HHAT: variants seen among roughly 807,000 people sequenced by gnomAD.
HHAT encodes the protein hedgehog acyltransferase, also known as protein-cysteine N-palmitoyltransferase HHAT.
Under a neutral mutation model 70.8 loss-of-function variants are expected in HHAT, and 47 were observed. The observed-to-expected ratio is 0.66, with a 90% CI of 0.53 to 0.85. HHAT has a LOEUF of 0.85. Among genes scored for constraint, HHAT ranks in the 40% least tolerant of loss-of-function variants. The pLI is 0.00. For missense variants in HHAT, 609 were observed against 604.8 expected, an observed-to-expected ratio of 1.01 and a Z score of -0.07; for synonymous variants, 228 against 247.6, an observed-to-expected ratio of 0.92 and a Z score of 0.74.
At chr1:210,597,797 A>G (rs1045051569) in intron 10 of HHAT, among the ~76,000 whole-genome samples, 2 of 152,010 alleles carry the variant, frequency 1.3e-5, no homozygotes, top group African/African-American at 4.8e-5. Flanking sequence ...GGGGACCCCA[A>G]TAGCCTACTC....
chr1:210,552,361 T>C (rs1347692686), intron 9 of HHAT, among the ~76,000 whole-genome samples: 1 of 152,212 alleles, frequency 6.6e-6, no homozygotes, highest in East Asian at 1.9e-4. Flanking sequence ...ATTTGTGTCC[T>C]TCTGAGATGC....
chr1:210,539,778 C>G (rs1162438114), intron 9 of HHAT, among the ~76,000 whole-genome samples: 1 of 151,998 alleles, frequency 6.6e-6, no homozygotes, highest in Non-Finnish European at 1.5e-5. Flanking sequence ...TGTTTCAGTG[C>G]CTTTTTTGTG....
chr1:210,627,204 G>A (rs532211016), intron 11 of HHAT, among the ~76,000 whole-genome samples: 2 of 152,138 alleles, frequency 1.3e-5, no homozygotes, highest in Admixed American at 6.5e-5. Flanking sequence ...AGGGGCAGAC[G>A]GGTATCTAGG....
chr1:210,549,128 A>AAAACTTTATCATCACAAGGAACT lies in HHAT; in HGVS notation c.1043+35941_1043+35942insAACTTTATCATCACAAGGAACTA, dbSNP rs1428404015. On this transcript the variant is annotated intron_variant, in intron 9 of 11. Coordinates refer to ENST00000261458, the MANE Select transcript of HHAT (RefSeq NM_018194.6). ...TGCTCACCTGTAAAATTGGGATAATAACGGCATTTACCTTGTAGGGTTGTT... is the reference window on the plus strand; with the variant it reads ...TGCTCACCTGTAAAATTGGGATAATAAAACTTTATCATCACAAGGAACTACGGCATTTACCTTGTAGGGTTGTT... Among the ~76,000 whole-genome samples, 13 of 132,380 alleles carry AAAACTTTATCATCACAAGGAACT rather than the reference A, an allele frequency of 9.8e-5. 1 individual carries two copies. In the East Asian group the frequency reaches 1.2e-3, roughly 12 times the overall value. The allele number at this position is 132,380 out of a possible 152,430, so 86.8% of individuals were successfully genotyped here. A position where few individuals can be genotyped will look rare whatever the true frequency, so the allele number is the denominator to read the frequency against.
At chr1:210,370,610 A>ATTTTTTTTT (rs10664778) in intron 3 of HHAT, among the ~76,000 whole-genome samples, 2 of 98,354 alleles carry the variant, frequency 2.0e-5, no homozygotes, top group Admixed American at 1.4e-4. Context: ...TGCAGATGCT[A>ATTTTTTTTT]TTTTTTTTTT....
chr1:210,575,175 A>G (rs181505945), intron 9 of HHAT, among the ~76,000 whole-genome samples: 57 of 152,268 alleles, frequency 3.7e-4, no homozygotes, highest in African/African-American at 1.3e-3. Flanking sequence ...GGGAGAAATC[A>G]TGCATCCCTT....
intron 3 of HHAT, among the ~76,000 whole-genome samples, chr1:210,370,135 C>T (rs2089416755): frequency 6.7e-6 from 1 of 150,340 alleles, no homozygotes; most frequent in Non-Finnish European, 1.5e-5. Context: ...TCTACCTTCA[C>T]CTTATTTTCT....
intron 1 of HHAT, among the ~76,000 whole-genome samples, chr1:210,331,580 C>G (rs1447181530): frequency 2.0e-5 from 3 of 152,136 alleles, no homozygotes; most frequent in African/African-American, 4.8e-5. Flanking sequence ...CTTCCCAGTT[C>G]GGGTGTCTTT....
chr1:210,495,508 A>G (rs1355485840), intron 8 of HHAT, among the ~76,000 whole-genome samples: 2 of 152,142 alleles, frequency 1.3e-5, no homozygotes, highest in Non-Finnish European at 2.9e-5. Context: ...CAGTTATTGC[A>G]AGAATCAATT....
At chr1:210,611,632 G>A (rs1221803947) in intron 10 of HHAT, among the ~76,000 whole-genome samples, 1 of 152,004 alleles carries the variant, frequency 6.6e-6, no homozygotes, top group Non-Finnish European at 1.5e-5. Flanking sequence ...GTATGATGTT[G>A]GCTATGGGTT....
At chr1:210,642,898 G>T (rs1044537179) in intron 11 of HHAT, among the ~76,000 whole-genome samples, 1 of 152,132 alleles carries the variant, frequency 6.6e-6, no homozygotes, top group Non-Finnish European at 1.5e-5. Flanking sequence ...TCTATGTTCT[G>T]ATTAGGAAAT....
chr1:210,423,140 T>C (rs925686358), intron 7 of HHAT, among the ~76,000 whole-genome samples: 9 of 152,196 alleles, frequency 5.9e-5, no homozygotes, highest in African/African-American at 2.2e-4. Flanking sequence ...TTGAAGGACT[T>C]CCATACTGTT....
At chr1:210,583,034 G>C (rs1291048352) in intron 9 of HHAT, among the ~76,000 whole-genome samples, 1 of 152,240 alleles carries the variant, frequency 6.6e-6, no homozygotes, top group East Asian at 1.9e-4. Context: ...CCAGCCCTGG[G>C]GTTTCTGGAA....
chr1:210,476,592 CCATAGGG>C (rs1297880138), intron 8 of HHAT, among the ~76,000 whole-genome samples: 1 of 152,204 alleles, frequency 6.6e-6, no homozygotes, highest in South Asian at 2.1e-4. Context: ...CTTTTTAGTA[CCATAGGG>C]CACACTCTCT....
chr1:210,475,171 C>A (rs994375242), intron 8 of HHAT, among the ~76,000 whole-genome samples: 1 of 152,090 alleles, frequency 6.6e-6, no homozygotes, highest in Non-Finnish European at 1.5e-5. Context: ...CACCCCAGTT[C>A]TTATTAACTA....
chr1:210,505,025 A>G (rs1442775476), intron 8 of HHAT, among the ~76,000 whole-genome samples: 2 of 151,258 alleles, frequency 1.3e-5, no homozygotes, highest in African/African-American at 4.9e-5. Context: ...CAGTCTCCCA[A>G]ATAGCTGGGA....
intron 2 of HHAT, among the ~76,000 whole-genome samples, chr1:210,360,011 G>C (rs1263533756): frequency 6.6e-6 from 1 of 152,138 alleles, no homozygotes; most frequent in Non-Finnish European, 1.5e-5. Flanking sequence ...GCTGTATCTA[G>C]GCAGTGGGCC....
At chr1:210,573,685 C>G (rs1296044259) in intron 9 of HHAT, among the ~76,000 whole-genome samples, 2 of 152,154 alleles carry the variant, frequency 1.3e-5, no homozygotes, top group Admixed American at 6.5e-5. Context: ...GCATGTGTCC[C>G]CCCATCAGTC....
chr1:210,343,137 A>T (rs1361094857), intron 1 of HHAT, among the ~76,000 whole-genome samples: 1 of 152,084 alleles, frequency 6.6e-6, no homozygotes, highest in Non-Finnish European at 1.5e-5. Flanking sequence ...GTCACCACCC[A>T]GGCACAGTGT....
Sources: gnomAD v4.1 joint callset for allele counts (sites outside exome capture counted in the v4.1 genomes callset) on GRCh38, gnomAD v4.1.1 for gene constraint, MANE v1.5 for transcripts, NCBI Gene and HGNC (gene_info 2026-07-23, HGNC 2026-07-21) for gene names.